TAPT1: variants seen among roughly 807,000 people sequenced by gnomAD.
TAPT1 encodes transmembrane anterior posterior transformation 1.
TAPT1 carries 28 observed loss-of-function variants against 65.6 expected under a neutral mutation model. That is an observed-to-expected ratio of 0.43 (90% confidence interval 0.32 to 0.59). The LOEUF is 0.59. Ranked by LOEUF, TAPT1 falls within the 20% of genes least tolerant of loss-of-function variation. The pLI, the probability that TAPT1 is intolerant of heterozygous loss-of-function variation, is 0.09. For synonymous variants in TAPT1, 278 were observed against 245.2 expected (o/e 1.13, Z -1.25); for missense variants, 563 against 679.9 (o/e 0.83, Z 1.91).
intron 8 of TAPT1, among the ~76,000 whole-genome samples, chr4:16,177,115 T>C (rs557638828): frequency 1.3e-5 from 2 of 152,164 alleles, no homozygotes; most frequent in Non-Finnish European, 2.9e-5. Flanking sequence ...CTACTGTGTA[T>C]TTCAAAATAG....
chr4:16,163,003 A>G lies in TAPT1; in HGVS notation c.*305T>C, dbSNP rs1287832366. The G allele has an allele frequency of 2.0e-6, 1 of 495,376 alleles. No homozygotes were observed. The allele number at this position is 495,376 out of a possible 1,614,324, so 30.7% of individuals were successfully genotyped here. ...ACATTCTGGAAGCCCAGACTGACAA[A>G]GCAAAACAGATTTTGATGTTGCCTT... On this transcript the variant is annotated 3_prime_UTR_variant, in exon 14 of 14. Transcript: ENST00000405303.
chr4:16,226,256 C>T lies in TAPT1; in HGVS notation c.199+3G>A. On this transcript the variant is annotated splice_donor_region_variant and intron_variant, in intron 1 of 13. Coordinates refer to ENST00000405303, the MANE Select transcript of TAPT1 (RefSeq NM_153365.3). ...CGCCACGGCCTAGCGCCGCCCGCCTCACCTGTGCGGCCCCGGCGCCTCTCC... is the reference window on the plus strand; with the variant it reads ...CGCCACGGCCTAGCGCCGCCCGCCTTACCTGTGCGGCCCCGGCGCCTCTCC... 1 of 1,121,258 alleles carries T rather than the reference C, an allele frequency of 8.9e-7. No homozygotes were observed. Among genetic ancestry groups the T allele is most frequent in the Non-Finnish European group, 1.1e-6 (1 of 917,862 alleles). The allele number at this position is 1,121,258 out of a possible 1,614,324, so 69.5% of individuals were successfully genotyped here.
At chr4:16,171,184 C>T (rs2149670846) in intron 11 of TAPT1, among the ~76,000 whole-genome samples, 1 of 152,230 alleles carries the variant, frequency 6.6e-6, no homozygotes, top group East Asian at 1.9e-4. Flanking sequence ...TGCCCTCCGT[C>T]CTTTCTTCTT....
chr4:16,205,709 A>G (rs1282873609), intron 2 of TAPT1, among the ~76,000 whole-genome samples: 1 of 152,002 alleles, frequency 6.6e-6, no homozygotes, highest in African/African-American at 2.4e-5. Flanking sequence ...CAGGCAGTAA[A>G]GAGGACCGAA....
rs1220579154 is a variant in TAPT1 at position 16,163,097 on chromosome 4, CCAGA to C, written c.*207_*210del. ...GAAGTTTTATAATCCATCAAGCTTC[CCAGA>C]CAGTCAAGGCCGGAGGTCGCTCCTG... On this transcript the variant is annotated 3_prime_UTR_variant, in exon 14 of 14. Transcript: ENST00000405303. 3.6e-5 allele frequency: 23 copies of C among 630,394 alleles called. No individual in the cohort carries two copies. Among genetic ancestry groups the C allele is most frequent in the South Asian group, 2.4e-4 (16 of 66,036 alleles). 39.1% of individuals were successfully genotyped at this position (630,394 alleles called of 1,614,324 possible).
intron 7 of TAPT1, 131 bp from the exon 8 acceptor site, chr4:16,179,788 T>TA (rs775420490): frequency 1.3e-4 from 57 of 431,782 alleles, no homozygotes; most frequent in African/African-American, 9.1e-4. Context: ...ATATACAACT[T>TA]TATATATATA....
At chr4:16,220,789 C>A (rs978681060) in intron 1 of TAPT1, among the ~76,000 whole-genome samples, 1 of 150,612 alleles carries the variant, frequency 6.6e-6, no homozygotes, top group African/African-American at 2.4e-5. Context: ...ATAGCATAAA[C>A]AAGTGCTTAA....
At chr4:16,169,232 A>G (rs985947931) in intron 12 of TAPT1, among the ~76,000 whole-genome samples, 1 of 152,228 alleles carries the variant, frequency 6.6e-6, no homozygotes, top group African/African-American at 2.4e-5. Flanking sequence ...GGTGCCCTGA[A>G]TTCTAAGTAA....
chr4:16,208,193 T>C (rs920765962), intron 2 of TAPT1, among the ~76,000 whole-genome samples: 3 of 152,200 alleles, frequency 2.0e-5, no homozygotes, highest in Non-Finnish European at 4.4e-5. Flanking sequence ...AGAATTTTAA[T>C]TGTAGAATTA....
At chr4:16,198,268 G>A (rs541372750) in intron 3 of TAPT1, among the ~76,000 whole-genome samples, 8 of 152,186 alleles carry the variant, frequency 5.3e-5, no homozygotes, top group African/African-American at 1.7e-4. Flanking sequence ...AGAACACGGG[G>A]GTCTATGTGC....
Position 16,187,542 on chromosome 4 carries a change from G to A in TAPT1, c.749-664C>T, listed in dbSNP as rs992132212. Among the ~76,000 whole-genome samples, 5 of 151,868 alleles carry A rather than the reference G, an allele frequency of 3.3e-5. No individual in the cohort carries two copies. The East Asian group carries it at 9.7e-4, about 29-fold the overall frequency. On this transcript the variant is annotated intron_variant, in intron 5 of 13. Coordinates refer to ENST00000405303, the MANE Select transcript of TAPT1 (RefSeq NM_153365.3). ...TACCCTCACAGGTATCTTCCAACTT[G>A]GTTCTTTAACTTTCCAAGCATTAAC...
chr4:16,185,286 T>C (rs1365438925), intron 7 of TAPT1, among the ~76,000 whole-genome samples: 2 of 152,190 alleles, frequency 1.3e-5, no homozygotes, highest in African/African-American at 2.4e-5. Flanking sequence ...ATATTTTTAT[T>C]AAAATTTCTC....
At chr4:16,218,115 A>G (rs987815083) in intron 1 of TAPT1, among the ~76,000 whole-genome samples, 2 of 152,238 alleles carry the variant, frequency 1.3e-5, no homozygotes, top group African/African-American at 4.8e-5. Flanking sequence ...AAAAAGGTTT[A>G]TTTGGGGCCG....
At chr4:16,186,439 T>C (rs1019958714) in intron 7 of TAPT1, 96 bp downstream of exon 7, 3 of 765,898 alleles carry the variant, frequency 3.9e-6, no homozygotes, top group Non-Finnish European at 6.5e-6. Context: ...CAGTTTAAGC[T>C]GAAGAGTGGC....
chr4:16,166,991 C>CTTTTTTTTTTTTTTTTT (rs5856341), intron 12 of TAPT1, 198 bp from the exon 13 acceptor site: 2 of 153,582 alleles, frequency 1.3e-5, no homozygotes, highest in Non-Finnish European at 2.4e-5. Context: ...CCTTAGTTCT[C>CTTTTTTTTTTTTTTTTT]TTTTTTTTTT....
rs762043208 is a variant in TAPT1, at chr4:16,163,505, T to G, written c.1507A>C (p.Ile503Leu). The part of the protein sequence containing the change: ...LSTEENLSAS[I>L]TKQPIHQKEN... ...TTTTGATGAATAGGTTGTTTGGTGATGGAGGCAGACAGGTTTTCTTCTGTG... is the reference window on the plus strand; with the variant it reads ...TTTTGATGAATAGGTTGTTTGGTGAGGGAGGCAGACAGGTTTTCTTCTGTG... The change falls in exon 14 of 14, where the codon ATC becomes CTC. Residue 503 changes from isoleucine (I) to leucine (L), a missense_variant. Physicochemically the swap from Ile to Leu is conservative, Grantham distance 5. This residue lies in a region of TAPT1 where 136 missense variants were observed against 153.9 expected (regional missense o/e 0.88). Transcript: ENST00000405303. 6.2e-7 allele frequency: 1 copy of G among 1,613,908 alleles called. No homozygotes were observed. The highest frequency in any genetic ancestry group is 1.3e-5 in the African/African-American group (1 of 74,948).
chr4:16,224,838 G>C (rs1233968052), intron 1 of TAPT1, among the ~76,000 whole-genome samples: 1 of 152,146 alleles, frequency 6.6e-6, no homozygotes, highest in Non-Finnish European at 1.5e-5. Flanking sequence ...TCATCAATAG[G>C]CTTCAAACAA....
intron 7 of TAPT1, among the ~76,000 whole-genome samples, chr4:16,183,809 C>T (rs934693810): frequency 2.0e-5 from 3 of 152,166 alleles, no homozygotes; most frequent in Non-Finnish European, 2.9e-5. Context: ...ATTTCTAATT[C>T]ATGACACTTG....
intron 1 of TAPT1, among the ~76,000 whole-genome samples, chr4:16,224,597 A>G (rs1023465724): frequency 4.6e-5 from 7 of 152,178 alleles, no homozygotes; most frequent in African/African-American, 1.2e-4. Context: ...CACAAAATCA[A>G]TGGAACTGGG....
Sources: gnomAD v4.1 joint callset for allele counts (sites outside exome capture counted in the v4.1 genomes callset) on GRCh38, gnomAD v4.1.1 for gene constraint, gnomAD v4.1.1 regional missense constraint, MANE v1.5 for transcripts, NCBI Gene and HGNC (gene_info 2026-07-23, HGNC 2026-07-21) for gene names.